ST18: variants seen among roughly 807,000 people sequenced by gnomAD.
The protein encoded by ST18 is ST18 C2H2C-type zinc finger transcription factor.
A neutral mutation model predicts 110.0 loss-of-function variants in ST18; 50 were observed. The ratio of observed to expected loss-of-function variants is 0.45; its 90% CI spans 0.36 to 0.58. ST18 has a LOEUF of 0.58. Ranked by LOEUF, ST18 falls within the 20% of genes least tolerant of loss-of-function variation. The pLI is 0.00. For synonymous variants in ST18, 461 were observed against 452.4 expected (o/e 1.02, Z -0.24); for missense variants, 1,306 against 1,280.1 (o/e 1.02, Z -0.31).
At chr8:52,241,468 C>T (rs2093395287) in intron 2 of ST18, among the ~76,000 whole-genome samples, 1 of 152,252 alleles carries the variant, frequency 6.6e-6, no homozygotes. Flanking sequence ...CATGTGGCCA[C>T]AGCCTATTCT....
intron 8 of ST18, among the ~76,000 whole-genome samples, chr8:52,201,868 A>C (rs888337331): frequency 6.6e-6 from 1 of 152,166 alleles, no homozygotes; most frequent in Non-Finnish European, 1.5e-5. Context: ...AAAATGACCA[A>C]ATGAGACCAA....
intron 2 of ST18, among the ~76,000 whole-genome samples, chr8:52,257,419 A>G (rs1256121433): frequency 6.6e-6 from 1 of 151,880 alleles, no homozygotes; most frequent in Non-Finnish European, 1.5e-5. Context: ...AAGAGTTCCA[A>G]TTTCTCTCTA....
intron 2 of ST18, among the ~76,000 whole-genome samples, chr8:52,351,630 C>T (rs546482440): frequency 1.3e-5 from 2 of 152,106 alleles, no homozygotes; most frequent in African/African-American, 2.4e-5. Flanking sequence ...CCTGTCAAGT[C>T]GAACTAATGT....
At chr8:52,409,808 C>A (rs912840647), upstream of ST18, 6 of 152,270 alleles carry the variant, frequency 3.9e-5, no homozygotes, top group African/African-American at 1.4e-4. Context: ...TATTTACCAA[C>A]CGCACAAAGA....
In ST18 at chr8:52,180,201, T is replaced by C. The variant is rs746964569; in HGVS notation, c.198A>G (p.Pro66=). The change falls in exon 9 of 26, where the codon CCA becomes CCG. Residue 66 remains proline (P), a synonymous_variant. Transcript: ENST00000689386. ...SLLMKPRHYS[P]KADCQEDRSD... is the part of the protein sequence containing the mutation. ...TGCGGTCTTCTTGGCAGTCTGCTTT[T>C]GGGCTGTAGTGTCGGGGCTTCATTA... 18 of 1,614,076 alleles carry C rather than the reference T, an allele frequency of 1.1e-5. No homozygotes were observed. In the Admixed American group the frequency reaches 3.0e-4, roughly 27 times the overall value.
intron 2 of ST18, among the ~76,000 whole-genome samples, chr8:52,291,585 G>T (rs1313771931): frequency 6.6e-6 from 1 of 152,048 alleles, no homozygotes; most frequent in Non-Finnish European, 1.5e-5. Context: ...CCACTTTAAA[G>T]AACTAAAACT....
intron 2 of ST18, among the ~76,000 whole-genome samples, chr8:52,312,268 G>A (rs543033678): frequency 6.6e-6 from 1 of 152,256 alleles, no homozygotes; most frequent in Admixed American, 6.5e-5. Flanking sequence ...GTGGAGAGGG[G>A]GCACCCATGA....
At chr8:52,117,220 A>T (rs964794923) in intron 24 of ST18, among the ~76,000 whole-genome samples, 2 of 152,090 alleles carry the variant, frequency 1.3e-5, no homozygotes, top group Non-Finnish European at 2.9e-5. Flanking sequence ...AGGCCTTCTC[A>T]TGATGAGCAC....
chr8:52,396,837 AT>A (rs1478289614), intron 2 of ST18, among the ~76,000 whole-genome samples: 1 of 152,212 alleles, frequency 6.6e-6, no homozygotes, highest in Admixed American at 6.5e-5. Flanking sequence ...GCCAGACCAT[AT>A]CAACTGGTAA....
At chr8:52,387,326 G>A (rs1837206998) in intron 2 of ST18, among the ~76,000 whole-genome samples, 1 of 152,100 alleles carries the variant, frequency 6.6e-6, no homozygotes, top group Admixed American at 6.5e-5. Flanking sequence ...TGACATTTTT[G>A]ATGGAATCTT....
chr8:52,233,267 T>C (rs1169383327), intron 2 of ST18, among the ~76,000 whole-genome samples: 1 of 152,094 alleles, frequency 6.6e-6, no homozygotes, highest in Non-Finnish European at 1.5e-5. Flanking sequence ...GAGGGGTGTA[T>C]GGTGAATGCC....
intron 15 of ST18, 95 bp downstream of exon 15, chr8:52,158,803 G>C: frequency 7.2e-7 from 1 of 1,388,630 alleles, no homozygotes; most frequent in Non-Finnish European, 1.0e-6. Flanking sequence ...AGGTTGGGGA[G>C]CAGAGTGGTA....
At chr8:52,329,530 G>A (rs1474512197) in intron 2 of ST18, among the ~76,000 whole-genome samples, 2 of 152,144 alleles carry the variant, frequency 1.3e-5, no homozygotes, top group Non-Finnish European at 2.9e-5. Flanking sequence ...CGAGGCAGGT[G>A]GATCAACTGA....
intron 25 of ST18, 23 bp downstream of exon 25, chr8:52,116,252 C>A: frequency 6.2e-7 from 1 of 1,606,728 alleles, no homozygotes; most frequent in Non-Finnish European, 8.5e-7. Context: ...AATGGAATGG[C>A]AAGGTTCTGG....
chr8:52,229,466 G>A (rs2090648090), intron 3 of ST18, among the ~76,000 whole-genome samples: 1 of 152,160 alleles, frequency 6.6e-6, no homozygotes, highest in South Asian at 2.1e-4. Context: ...GCCATTCCCA[G>A]CTTCCACAGC....
chr8:52,339,781 T>G (rs559127102), intron 2 of ST18, among the ~76,000 whole-genome samples: 4 of 152,360 alleles, frequency 2.6e-5, no homozygotes, highest in Non-Finnish European at 1.5e-5. Context: ...TCCTTTCCCA[T>G]GTCACCCCTT....
At chr8:52,286,383 T>C (rs2095472129) in intron 2 of ST18, among the ~76,000 whole-genome samples, 1 of 152,180 alleles carries the variant, frequency 6.6e-6, no homozygotes, top group South Asian at 2.1e-4. Flanking sequence ...CATCATTGTG[T>C]GGAAACAGCA....
intron 16 of ST18, among the ~76,000 whole-genome samples, chr8:52,145,898 G>T (rs572610329): frequency 2.0e-5 from 3 of 152,108 alleles, no homozygotes; most frequent in Admixed American, 6.5e-5. Flanking sequence ...CTTTCCTTTC[G>T]AGATATTTTG....
chr8:52,157,899 C>T (rs2060421920), intron 15 of ST18, among the ~76,000 whole-genome samples: 1 of 152,254 alleles, frequency 6.6e-6, no homozygotes, highest in South Asian at 2.1e-4. Context: ...TCTTCAAGTG[C>T]CCAGGTTTCA....
Sources: allele counts gnomAD v4.1 joint callset (sites outside exome capture counted in the v4.1 genomes callset), GRCh38; gene constraint gnomAD v4.1.1; transcripts MANE v1.5; gene names NCBI Gene and HGNC (gene_info 2026-07-23, HGNC 2026-07-21).